Variants in CHN2 observed in about 807,000 individuals in gnomAD.
The protein encoded by CHN2 is chimerin 2.
In CHN2, 35 loss-of-function variants were observed where a neutral mutation model predicts 56.3. The ratio of observed to expected loss-of-function variants is 0.62; its 90% confidence interval spans 0.47 to 0.82. CHN2 has a LOEUF of 0.82. Ranked by LOEUF, CHN2 falls within the 40% of genes least tolerant of loss-of-function variation. The pLI is 0.00. For missense variants in CHN2, 491 were observed against 580.5 expected (o/e 0.85, Z 1.58); for synonymous variants, 210 against 212.8 (o/e 0.99, Z 0.12).
intron 1 of CHN2, among the ~76,000 whole-genome samples, chr7:29,345,372 A>G (rs1470884318): frequency 6.6e-6 from 1 of 152,186 alleles, no homozygotes; most frequent in Non-Finnish European, 1.5e-5. Context: ...AAAAGGCTCT[A>G]CAGAGAATTG....
intron 8 of CHN2, among the ~76,000 whole-genome samples, chr7:29,499,041 T>A (rs1789638362): frequency 6.6e-6 from 1 of 152,170 alleles, no homozygotes; most frequent in Non-Finnish European, 1.5e-5. Flanking sequence ...ATTACAGGCG[T>A]GAGCCACCAC....
chr7:29,265,369 G>T (rs1014761742), intron 1 of CHN2, among the ~76,000 whole-genome samples: 1 of 152,126 alleles, frequency 6.6e-6, no homozygotes, highest in Non-Finnish European at 1.5e-5. Flanking sequence ...ACTTCCACTC[G>T]CTCTGCTAGA....
chr7:29,497,932 T>C (rs371163293), intron 8 of CHN2, among the ~76,000 whole-genome samples: 1 of 152,154 alleles, frequency 6.6e-6, no homozygotes, highest in African/African-American at 2.4e-5. Context: ...TTAATGGGTA[T>C]AGTTTCAGCT....
At chr7:29,181,738 C>G (rs1798081561) in intron 2 of CHN2, among the ~76,000 whole-genome samples, 1 of 152,134 alleles carries the variant, frequency 6.6e-6, no homozygotes, top group African/African-American at 2.4e-5. Context: ...CACTAATGAT[C>G]TTAACATTCC....
chr7:29,353,386 G>C (rs1451448462), intron 1 of CHN2, among the ~76,000 whole-genome samples: 3 of 152,224 alleles, frequency 2.0e-5, no homozygotes, highest in African/African-American at 7.2e-5. Flanking sequence ...AGGCGCAGTG[G>C]CTCACGCCTG....
chr7:29,234,386 G>A (rs1284801277), intron 1 of CHN2, among the ~76,000 whole-genome samples: 3 of 152,096 alleles, frequency 2.0e-5, no homozygotes, highest in African/African-American at 4.8e-5. Context: ...AACCTTCCTC[G>A]ATCAGACTCA....
chr7:29,185,060 A>G (rs935135393), intron 2 of CHN2, among the ~76,000 whole-genome samples: 3 of 152,164 alleles, frequency 2.0e-5, no homozygotes, highest in Non-Finnish European at 4.4e-5. Context: ...TATATTCAGA[A>G]CACCTAAGAA....
intron 2 of CHN2, among the ~76,000 whole-genome samples, chr7:29,189,450 C>G (rs1799127922): frequency 6.6e-6 from 1 of 152,078 alleles, no homozygotes; most frequent in Non-Finnish European, 1.5e-5. Flanking sequence ...GCAGAAGACA[C>G]GAAAAACAAA....
At chr7:29,348,985 TAATA>T (rs1259152285) in intron 1 of CHN2, among the ~76,000 whole-genome samples, 1 of 152,216 alleles carries the variant, frequency 6.6e-6, no homozygotes, top group African/African-American at 2.4e-5. Flanking sequence ...AGATTATATT[TAATA>T]AATTATTTTA....
At chr7:29,363,347 T>C (rs768018855) in intron 2 of CHN2, among the ~76,000 whole-genome samples, 4 of 152,152 alleles carry the variant, frequency 2.6e-5, no homozygotes, top group African/African-American at 7.2e-5. Flanking sequence ...TAGCCAGGCA[T>C]GGTGATGCGT....
intron 1 of CHN2, among the ~76,000 whole-genome samples, chr7:29,308,287 A>C (rs1794325396): frequency 6.6e-6 from 1 of 152,086 alleles, no homozygotes; most frequent in African/African-American, 2.4e-5. Context: ...TCTGCCTTGA[A>C]TACCCTTATT....
chr7:29,305,065 G>T (rs929294), intron 1 of CHN2, among the ~76,000 whole-genome samples: 133,235 of 152,000 alleles, frequency 0.88, 58,492 homozygotes, highest in East Asian at 1. Flanking sequence ...GAGGGGAAAG[G>T]GACACTGAAG....
At position 29,224,882 on chromosome 7, in the gene CHN2, T is replaced by C. The variant is rs1182659236; in HGVS notation, c.49+29892T>C. ...GTATTTTTCTCATTGTTCTTTACCT[T>C]AGTAGAAAGGAATGGAGAGAATGAT... On this transcript the variant is annotated intron_variant, in intron 1 of 12. Transcript: ENST00000222792. Among the ~76,000 whole-genome samples the C allele has an allele frequency of 2.6e-5, 4 of 152,190 alleles. No individual in the cohort carries two copies. The East Asian group carries it at 7.7e-4, about 29-fold the overall frequency.
At chr7:29,201,774 G>C (rs113091237) in intron 1 of CHN2, among the ~76,000 whole-genome samples, 419 of 152,336 alleles carry the variant, frequency 2.8e-3, no homozygotes, top group African/African-American at 9.7e-3. Flanking sequence ...CTCTAAGACA[G>C]AGACAAAACT....
chr7:29,402,405 C>A (rs914366331), intron 6 of CHN2, among the ~76,000 whole-genome samples: 11 of 152,172 alleles, frequency 7.2e-5, no homozygotes, highest in African/African-American at 2.4e-4. Context: ...GGGTTTCTGA[C>A]TGTTTACATT....
At chr7:29,277,907 C>T (rs1160575541) in intron 1 of CHN2, among the ~76,000 whole-genome samples, 1 of 152,232 alleles carries the variant, frequency 6.6e-6, no homozygotes, top group East Asian at 1.9e-4. Flanking sequence ...TCCCCTTCAG[C>T]CCCTCAATGA....
chr7:29,263,397 G>T (rs947467728), intron 1 of CHN2, among the ~76,000 whole-genome samples: 1 of 152,180 alleles, frequency 6.6e-6, no homozygotes, highest in Admixed American at 6.5e-5. Context: ...CCTCCCAGCC[G>T]CCTGCCTTGG....
intron 6 of CHN2, among the ~76,000 whole-genome samples, chr7:29,476,882 C>G (rs550360428): frequency 2.6e-5 from 4 of 152,126 alleles, no homozygotes; most frequent in Admixed American, 2.0e-4. Context: ...CTGGTTCAAA[C>G]AGAGCATGTA....
intron 9 of CHN2, among the ~76,000 whole-genome samples, chr7:29,500,283 A>G (rs1485336484): frequency 6.6e-6 from 1 of 152,216 alleles, no homozygotes; most frequent in Non-Finnish European, 1.5e-5. Flanking sequence ...AACATTTATT[A>G]TATGGTAGGC....
Sources: gnomAD v4.1 joint callset for allele counts (sites outside exome capture counted in the v4.1 genomes callset) on GRCh38, gnomAD v4.1.1 for gene constraint, MANE v1.5 for transcripts, NCBI Gene and HGNC (gene_info 2026-07-23, HGNC 2026-07-21) for gene names.